Variants in DYNC2I1 observed in about 807,000 individuals in gnomAD.
The protein encoded by DYNC2I1 is dynein 2 intermediate chain 1.
DYNC2I1 carries 89 observed loss-of-function variants against 133.4 expected under a neutral mutation model. The observed-to-expected ratio is 0.67, with a 90% CI of 0.56 to 0.80. DYNC2I1 has a LOEUF of 0.80. DYNC2I1 is among the 30% of genes least tolerant of loss of function. The probability of loss-of-function intolerance (pLI) is 0.00; values close to 1 mark genes in which losing one functional copy is unlikely to be tolerated. For missense variants in DYNC2I1, 1,291 were observed against 1,314.5 expected (o/e 0.98, Z 0.28); for synonymous variants, 504 against 484.3 (o/e 1.04, Z -0.54).
intron 20 of DYNC2I1, among the ~76,000 whole-genome samples, chr7:158,927,342 G>T (rs1563187770): frequency 6.6e-6 from 1 of 151,438 alleles, no homozygotes; most frequent in Non-Finnish European, 1.5e-5. Flanking sequence ...GTTTGAGGCT[G>T]CAGTGAGCCG....
At position 158,907,273 on chromosome 7, in the gene DYNC2I1, CTTT is replaced by C. The variant is rs36062364; in HGVS notation, c.1460+1205_1460+1207del. 9.4e-4 allele frequency among the ~76,000 whole-genome samples: 94 copies of C among 99,720 alleles called. 1 individual carries two copies. Among genetic ancestry groups the C allele is most frequent in the South Asian group, 1.7e-3 (5 of 2,896 alleles). The allele number at this position is 99,720 out of a possible 152,430, so 65.4% of individuals were successfully genotyped here. ...AACTGGTTTCTGGCCCCATGGCCTT[CTTT>C]TTTTTTTTTTTTTTTTTTTTTTAAA... On this transcript the variant is annotated intron_variant, in intron 11 of 24. Coordinates refer to ENST00000407559, the MANE Select transcript of DYNC2I1 (RefSeq NM_018051.5).
At position 158,889,971 on chromosome 7, in the gene DYNC2I1, A is replaced by C. The variant is rs1052162490; in HGVS notation, c.991-1294A>C. On this transcript the variant is annotated intron_variant, in intron 7 of 24. Transcript: ENST00000407559. ...CAGTGAGCCGAGATCGTGTCACTGC[A>C]CTCCAACCTGGGCCACGGAGTGAGA... Among the ~76,000 whole-genome samples, 12 of 139,758 alleles carry C rather than the reference A, an allele frequency of 8.6e-5. No homozygotes were observed. In the Admixed American group the frequency reaches 9.8e-4, roughly 11 times the overall value. 91.7% of individuals were successfully genotyped at this position (139,758 alleles called of 152,430 possible). A position where few individuals can be genotyped will look rare whatever the true frequency, so the allele number is the denominator to read the frequency against.
At chr7:158,881,882 A>C (rs1844066808) in intron 5 of DYNC2I1, among the ~76,000 whole-genome samples, 1 of 152,170 alleles carries the variant, frequency 6.6e-6, no homozygotes, top group Non-Finnish European at 1.5e-5. Flanking sequence ...TTGTACCCAT[A>C]ACTTAGACTC....
chr7:158,858,609 T>A (rs1841542837), intron 1 of DYNC2I1, among the ~76,000 whole-genome samples: 1 of 152,230 alleles, frequency 6.6e-6, no homozygotes, highest in Non-Finnish European at 1.5e-5. Flanking sequence ...ATTACCTGTT[T>A]AATGAAATTC....
chr7:158,867,568 G>C (rs1842518916), intron 1 of DYNC2I1, among the ~76,000 whole-genome samples: 1 of 152,206 alleles, frequency 6.6e-6, no homozygotes. Context: ...CGAGGGTGCA[G>C]AAGGGGAGTC....
chr7:158,910,056 G>A (rs1256662491), intron 11 of DYNC2I1, among the ~76,000 whole-genome samples: 3 of 152,184 alleles, frequency 2.0e-5, no homozygotes, highest in Non-Finnish European at 4.4e-5. Context: ...TTGAGCACCG[G>A]CTGTGTGGCG....
At chr7:158,841,401 C>T in the DYNC2I1 span, among the ~76,000 whole-genome samples, 4 of 151,536 alleles carry the variant, frequency 2.6e-5, no homozygotes, top group Non-Finnish European at 4.4e-5. Flanking sequence ...TTGGTAGAGA[C>T]GAGGTTTCAC....
intron 8 of DYNC2I1, among the ~76,000 whole-genome samples, chr7:158,895,555 T>G (rs1845685277): frequency 6.6e-6 from 1 of 152,244 alleles, no homozygotes; most frequent in Admixed American, 6.5e-5. Context: ...TTGTAGTGGG[T>G]CTTGACATCA....
At chr7:158,869,334 G>C (rs541562824) in intron 1 of DYNC2I1, 3 of 404,764 alleles carry the variant, frequency 7.4e-6, no homozygotes, top group African/African-American at 6.3e-5. Flanking sequence ...CCCCAGGGCT[G>C]CTTCTCTTCC....
intron 1 of DYNC2I1, among the ~76,000 whole-genome samples, chr7:158,861,418 C>T (rs1282057487): frequency 5.3e-5 from 8 of 152,192 alleles, no homozygotes; most frequent in Non-Finnish European, 1.2e-4. Context: ...TCCCTCACCT[C>T]AGTGCAAACA....
rs965073827 is a variant in DYNC2I1 at position 158,883,269 on chromosome 7, G to A, written c.880-1295G>A. On this transcript the variant is annotated intron_variant, in intron 5 of 24. Transcript: ENST00000407559. The stretch of plus-strand genomic sequence containing the variant: ...GTCTCACTGTATCGCCCAGGCCAGA[G>A]AGCAGTGGTGTGATCTTGGCTCACT... Among the ~76,000 whole-genome samples the A allele has an allele frequency of 2.0e-5, 3 of 148,948 alleles. No homozygotes were observed. In the Admixed American group the frequency reaches 2.0e-4, roughly 10 times the overall value.
intron 3 of DYNC2I1, 35 bp downstream of exon 3, chr7:158,871,597 G>C: frequency 6.7e-7 from 1 of 1,492,756 alleles, no homozygotes; most frequent in Non-Finnish European, 8.9e-7. Flanking sequence ...GGTTCCACCC[G>C]AGGTGCCGCG....
At chr7:158,912,944 A>G in intron 12 of DYNC2I1, 41 bp from the exon 13 acceptor site, 2 of 1,457,844 alleles carry the variant, frequency 1.4e-6, no homozygotes. Flanking sequence ...TTGCTCCGAA[A>G]TTGAAACCAA....
intron 1 of DYNC2I1, among the ~76,000 whole-genome samples, chr7:158,863,099 A>T (rs1422185980): frequency 9.8e-6 from 1 of 102,524 alleles, no homozygotes; most frequent in Admixed American, 1.5e-4. Flanking sequence ...GGACCCAAGC[A>T]GGTTGCCACT....
chr7:158,949,627 C>T (rs538393777), downstream of DYNC2I1, among the ~76,000 whole-genome samples: 217 of 100,284 alleles, frequency 2.2e-3, 2 homozygotes, highest in African/African-American at 5.6e-3. Flanking sequence ...CGCAGTTCAG[C>T]GGAGCAGGAG....
downstream of DYNC2I1, among the ~76,000 whole-genome samples, chr7:158,947,537 G>A (rs1851926229): frequency 6.6e-6 from 1 of 152,164 alleles, no homozygotes; most frequent in Non-Finnish European, 1.5e-5. Flanking sequence ...AGTCTGCTTG[G>A]GCTCAGGTCT....
chr7:158,945,729 C>T lies in DYNC2I1; in HGVS notation c.3151C>T (p.Arg1051Cys), dbSNP rs777008401. 16 of 1,602,224 alleles carry T rather than the reference C, an allele frequency of 1.0e-5. No homozygotes were observed. The highest frequency in any genetic ancestry group is 1.7e-4 in the Middle Eastern group (1 of 6,034). ...GGAGGTGGACGAGTGCAACAGGCTG[C>T]GTCTGCTTTTGCAGGAAGCCCTGTG... ...APEVDECNRL[R>C]LLLQEALWPE... Residue 1051 changes from arginine (R) to cysteine (C), a missense_variant, in exon 25 of 25, where the codon CGT (arginine) becomes TGT (cysteine). Transcript: ENST00000407559. This position sits in a 1 kb window ranked among gnomAD's most constrained non-coding sequence, Gnocchi z 4.1.
intron 21 of DYNC2I1, among the ~76,000 whole-genome samples, chr7:158,932,154 GCAGGTCCTGCAGCTCTGT>G (rs1850281153): frequency 6.6e-6 from 1 of 152,328 alleles, no homozygotes; most frequent in East Asian, 1.9e-4. Context: ...CTGCAGGGAA[GCAGGTCCTGCAGCTCTGT>G]CTGCACCGCC....
chr7:158,856,350 C>T (rs1315588851), upstream of DYNC2I1, among the ~76,000 whole-genome samples: 1 of 152,256 alleles, frequency 6.6e-6, no homozygotes, highest in African/African-American at 2.4e-5. Context: ...GTCAAGAGCC[C>T]CTGCACCCCA....
Sources: allele counts gnomAD v4.1 joint callset (sites outside exome capture counted in the v4.1 genomes callset), GRCh38; gene constraint gnomAD v4.1.1; non-coding constraint Gnocchi (gnomAD v3.1); transcripts MANE v1.5; gene names NCBI Gene and HGNC (gene_info 2026-07-23, HGNC 2026-07-21).